Variants in GCH1 observed in about 807,000 individuals in gnomAD.
GCH1 encodes GTP cyclohydrolase 1.
Under a neutral mutation model 25.9 loss-of-function variants are expected in GCH1, and 5 were observed. That is an observed-to-expected ratio of 0.19 (90% CI 0.10 to 0.41). The LOEUF is 0.41. Among genes scored for constraint, GCH1 ranks in the 10% least tolerant of loss-of-function variants. GCH1 has a pLI of 1.00. For synonymous variants in GCH1, 159 were observed against 129.6 expected (o/e 1.23, Z -1.54); for missense variants, 261 against 336.5 (o/e 0.78, Z 1.75).
intron 1 of GCH1, among the ~76,000 whole-genome samples, chr14:54,888,192 C>T (rs1317314942): frequency 5.3e-5 from 8 of 152,148 alleles, no homozygotes. Context: ...AGACCTGTTA[C>T]TATAGAAACG....
Position 54,845,827 on chromosome 14 carries a change from A to G in GCH1, c.567T>C (p.Ile189=), listed in dbSNP as rs1240426770. Residue 189 remains isoleucine (I), a synonymous_variant, in exon 5 of 6, where the codon ATT becomes ATC. Coordinates refer to ENST00000491895, the MANE Select transcript of GCH1 (RefSeq NM_000161.3). ...LQVQERLTKQ[I]AVAITEALRP... Reference sequence around the variant, plus strand: ...GCAAGGCTTCCGTGATTGCTACAGCAATTTGTTTTGTAAGGCGCTCCTGAA... The same window carrying G: ...GCAAGGCTTCCGTGATTGCTACAGCGATTTGTTTTGTAAGGCGCTCCTGAA... 11 of 1,609,978 alleles carry G rather than the reference A, an allele frequency of 6.8e-6. No homozygotes were observed. Among genetic ancestry groups the G allele is most frequent in the African/African-American group, 1.3e-5 (1 of 74,958 alleles).
intron 4 of GCH1, 101 bp from the exon 5 acceptor site, chr14:54,845,953 T>A: frequency 1.3e-6 from 1 of 785,326 alleles, no homozygotes; most frequent in Non-Finnish European, 2.3e-6. Context: ...CAGACTTCTG[T>A]GAGATTTAAG....
At chr14:54,857,081 G>T (rs1161689649) in intron 3 of GCH1, among the ~76,000 whole-genome samples, 1 of 152,102 alleles carries the variant, frequency 6.6e-6, no homozygotes, top group Non-Finnish European at 1.5e-5. Flanking sequence ...TAAGTAGTTG[G>T]ATAAAATCTT....
chr14:54,853,959 G>C (rs1032855679), intron 3 of GCH1, among the ~76,000 whole-genome samples: 1 of 152,140 alleles, frequency 6.6e-6, no homozygotes, highest in Non-Finnish European at 1.5e-5. Context: ...GGTTATTAAT[G>C]TATGCAGGCT....
At chr14:54,890,999 G>T (rs983346605) in intron 1 of GCH1, among the ~76,000 whole-genome samples, 2 of 152,134 alleles carry the variant, frequency 1.3e-5, no homozygotes, top group Admixed American at 1.3e-4. Flanking sequence ...TACTCATAGA[G>T]ACCATCTACA....
chr14:54,885,495 A>G, intron 1 of GCH1: 2 of 304,328 alleles, frequency 6.6e-6, no homozygotes, highest in South Asian at 3.2e-5. Context: ...GAAGCATAGC[A>G]TCATTGATGG....
chr14:54,855,157 G>A (rs929337972), intron 3 of GCH1, among the ~76,000 whole-genome samples: 10 of 152,050 alleles, frequency 6.6e-5, no homozygotes, highest in African/African-American at 2.4e-4. Context: ...AAAGAAACTT[G>A]GACTTTTTGG....
At position 54,880,569 on chromosome 14, in the gene GCH1, C is replaced by CAT. The variant is rs369550067; in HGVS notation, c.344-15135_344-15134dup. On this transcript the variant is annotated intron_variant, in intron 1 of 5. Coordinates refer to ENST00000491895, the MANE Select transcript of GCH1 (RefSeq NM_000161.3). ...ATATATACTCCATATATATATACTC[C>CAT]ATATATATATACTCCATATATATAT... Among the ~76,000 whole-genome samples the CAT allele has an allele frequency of 2.8e-3, 68 of 24,136 alleles. 10 individuals carry two copies. The highest frequency in any genetic ancestry group is 3.9e-3 in the Non-Finnish European group (56 of 14,276). 15.8% of individuals were successfully genotyped at this position (24,136 alleles called of 152,430 possible). A position where few individuals can be genotyped will look rare whatever the true frequency, so the allele number is the denominator to read the frequency against.
intron 1 of GCH1, among the ~76,000 whole-genome samples, chr14:54,901,317 A>G (rs1044044809): frequency 2.0e-5 from 3 of 152,242 alleles, no homozygotes; most frequent in African/African-American, 7.2e-5. Flanking sequence ...CGGAAGGTGT[A>G]GACTGGAAAA....
At position 54,842,029 on chromosome 14, in the gene GCH1, G is replaced by A. The variant is rs904125852; in HGVS notation, c.*1988C>T. On this transcript the variant is annotated 3_prime_UTR_variant, in exon 6 of 6. Coordinates refer to ENST00000491895, the MANE Select transcript of GCH1 (RefSeq NM_000161.3). ...CTTTCACAAGAACAAAGTTACAATA[G>A]TTTAATAATTTAAATAGGACCACCT... is the stretch of plus-strand genomic sequence containing the variant. 7 of 152,130 alleles carry A rather than the reference G, an allele frequency of 4.6e-5. No homozygotes were observed. Among genetic ancestry groups the A allele is most frequent in the Admixed American group, 1.3e-4 (2 of 15,274 alleles). 9.4% of individuals were successfully genotyped at this position (152,130 alleles called of 1,614,324 possible).
intron 1 of GCH1, among the ~76,000 whole-genome samples, chr14:54,879,479 T>G (rs1482450162): frequency 1.2e-5 from 1 of 81,654 alleles, no homozygotes; most frequent in Non-Finnish European, 2.8e-5. Flanking sequence ...ATAGCAAAAA[T>G]AGAGAAGAGT....
intron 1 of GCH1, among the ~76,000 whole-genome samples, chr14:54,869,002 T>G (rs572138690): frequency 3.3e-5 from 5 of 152,114 alleles, no homozygotes; most frequent in Non-Finnish European, 7.4e-5. Flanking sequence ...GTCTCCCAAG[T>G]AGCTGGGACT....
chr14:54,897,291 T>TG (rs1555362447), intron 1 of GCH1, among the ~76,000 whole-genome samples: 1 of 145,822 alleles, frequency 6.9e-6, no homozygotes, highest in Non-Finnish European at 1.5e-5. Flanking sequence ...CAACCTCTAC[T>TG]CACTTTTTTT....
chr14:54,885,101 G>T, intron 1 of GCH1: 1 of 305,052 alleles, frequency 3.3e-6, no homozygotes. Context: ...CTGTTGTCCT[G>T]GATGTCAGTA....
chr14:54,863,706 T>A (rs1566668312), intron 2 of GCH1, among the ~76,000 whole-genome samples: 1 of 151,920 alleles, frequency 6.6e-6, no homozygotes, highest in Non-Finnish European at 1.5e-5. Context: ...TCCACTTACA[T>A]ATAGTTGAAA....
At chr14:54,872,891 C>T (rs2140086773) in intron 1 of GCH1, among the ~76,000 whole-genome samples, 1 of 151,892 alleles carries the variant, frequency 6.6e-6, no homozygotes, top group East Asian at 1.9e-4. Flanking sequence ...TAGACTCCCA[C>T]ACAATAATAA....
chr14:54,877,161 T>C (rs17128050), intron 1 of GCH1, among the ~76,000 whole-genome samples: 17,263 of 152,248 alleles, frequency 0.11, 1,306 homozygotes, highest in East Asian at 0.41. Flanking sequence ...AAAGCTACCA[T>C]CTGTAGGTAA....
In GCH1 at chr14:54,843,845, C is replaced by A. The variant is rs773804599; in HGVS notation, c.*172G>T. The stretch of plus-strand genomic sequence containing the variant: ...GGCAAGAAGAAAGTAGAGGGCTCAA[C>A]CCTTTATTATATTTATTTGACTTCC... On this transcript the variant is annotated 3_prime_UTR_variant, in exon 6 of 6. Transcript: ENST00000491895. 72 of 1,611,926 alleles carry A rather than the reference C, an allele frequency of 4.5e-5. No individual in the cohort carries two copies. The South Asian group carries it at 7.7e-4, about 17-fold the overall frequency.
intron 1 of GCH1, among the ~76,000 whole-genome samples, chr14:54,890,446 C>T (rs1288892423): frequency 6.6e-6 from 1 of 152,238 alleles, no homozygotes; most frequent in South Asian, 2.1e-4. Flanking sequence ...TGCGGTGAGA[C>T]GAGATCGCGC....
Sources: allele counts gnomAD v4.1 joint callset (sites outside exome capture counted in the v4.1 genomes callset), GRCh38; gene constraint gnomAD v4.1.1; transcripts MANE v1.5; gene names NCBI Gene and HGNC (gene_info 2026-07-23, HGNC 2026-07-21).